Variants in PLIN2 observed in about 807,000 individuals in gnomAD.
PLIN2 encodes perilipin-2.
PLIN2 carries 33 observed loss-of-function variants against 30.6 expected under a neutral mutation model. The ratio of observed to expected loss-of-function variants is 1.08; its 90% CI spans 0.82 to 1.44. The LOEUF (loss-of-function observed/expected upper bound fraction) is 1.44, where lower values mean the gene tolerates loss of function less well. Among genes scored for constraint, PLIN2 ranks in the 40% most tolerant of loss-of-function variants. PLIN2 has a pLI of 0.00. For missense variants in PLIN2, 610 were observed against 531.8 expected (o/e 1.15, Z -1.45); for synonymous variants, 205 against 201.1 (o/e 1.02, Z -0.16).
chr9:19,125,912 G>A (rs1320530607), intron 3 of PLIN2: 1 of 487,372 alleles, frequency 2.1e-6, no homozygotes, highest in African/African-American at 2.2e-5. Flanking sequence ...GATAGAGTGA[G>A]ACTCCATCTC....
rs553714689 is a variant in PLIN2, at chr9:19,127,234, C to A, written c.-23+185G>T. ...GGTTCAGCAGACCGCCCCTACCCAG[C>A]CAGGACCTGGAAGCCGCGAGGCGAG... On this transcript the variant is annotated intron_variant, in intron 1 of 7. Transcript: ENST00000276914. The surrounding 1 kb of genome is among the most constrained non-coding windows in gnomAD (Gnocchi z 4.3). 6.6e-6 allele frequency among the ~76,000 whole-genome samples: 1 copy of A among 152,164 alleles called. No individual in the cohort carries two copies. Among genetic ancestry groups the A allele is most frequent in the African/African-American group, 2.4e-5 (1 of 41,528 alleles).
chr9:19,121,913 A>AAGAGC (rs1263472571), intron 4 of PLIN2, among the ~76,000 whole-genome samples: 3 of 152,110 alleles, frequency 2.0e-5, no homozygotes, highest in Admixed American at 6.6e-5. Flanking sequence ...CCTGGGCAAC[A>AAGAGC]AGAGCAAAAC....
chr9:19,120,489 G>A (rs7032119), intron 5 of PLIN2, among the ~76,000 whole-genome samples: 102,637 of 152,040 alleles, frequency 0.68, 35,178 homozygotes, highest in Non-Finnish European at 0.73. Flanking sequence ...TTTTTGCTAA[G>A]GTTTCAAAAC....
chr9:19,120,860 C>T lies in PLIN2; in HGVS notation c.595+20G>A, dbSNP rs777175299. The T allele has an allele frequency of 6.3e-7, 1 of 1,585,774 alleles. No homozygotes were observed. Among genetic ancestry groups the T allele is most frequent in the East Asian group, 2.2e-5 (1 of 44,714 alleles). On this transcript the variant is annotated intron_variant, in intron 5 of 7. Transcript: ENST00000276914. ...AAAGATTTAATATAAAACAGTATTTCAAGATAAAATTCCAGTTACCTAGTT... is the reference window on the plus strand; with the variant it reads ...AAAGATTTAATATAAAACAGTATTTTAAGATAAAATTCCAGTTACCTAGTT...
chr9:19,110,678 G>T (rs1428095155), intron 2 of PLIN2, among the ~76,000 whole-genome samples: 1 of 152,054 alleles, frequency 6.6e-6, no homozygotes, highest in African/African-American at 2.4e-5. Context: ...ATTTCACCAT[G>T]TTGGCAAGGC....
chr9:19,111,565 G>A (rs1818160129), downstream of PLIN2, among the ~76,000 whole-genome samples: 1 of 152,026 alleles, frequency 6.6e-6, no homozygotes, highest in South Asian at 2.1e-4. Flanking sequence ...GACTAGCCCA[G>A]TGAGGGTCAA....
chr9:19,120,453 T>C (rs1447683624), intron 5 of PLIN2, among the ~76,000 whole-genome samples: 2 of 152,168 alleles, frequency 1.3e-5, no homozygotes, highest in African/African-American at 4.8e-5. Context: ...GACTATCCAT[T>C]TACAGAAAAT....
In PLIN2 at chr9:19,121,104, G is replaced by T. The variant is rs780606166; in HGVS notation, c.371C>A (p.Thr124Asn). ...GCTGGCCACAGAATCCTTGGCCCCA[G>T]TCACAGTAGTCGTCACAGCATCTTT... ...GAKDAVTTTV[T>N]GAKDSVASTI... is the part of the protein sequence containing the mutation. The change falls in exon 5 of 8, where the codon ACT (threonine) becomes AAT (asparagine). Residue 124 changes from threonine (T) to asparagine (N), a missense_variant. Transcript: ENST00000276914. 6.2e-7 allele frequency: 1 copy of T among 1,614,038 alleles called. No homozygotes were observed. Among genetic ancestry groups the T allele is most frequent in the Non-Finnish European group, 8.5e-7 (1 of 1,180,018 alleles).
At chr9:19,124,237 T>C (rs1818363674) in intron 3 of PLIN2, among the ~76,000 whole-genome samples, 1 of 152,078 alleles carries the variant, frequency 6.6e-6, no homozygotes, top group South Asian at 2.1e-4. Context: ...CTAATGTTAA[T>C]GCCAAGAGTA....
chr9:19,110,719 A>T (rs1588639238), intron 2 of PLIN2, among the ~76,000 whole-genome samples: 1 of 151,996 alleles, frequency 6.6e-6, no homozygotes, highest in Non-Finnish European at 1.5e-5. Context: ...CAGGTGATCC[A>T]CCCACCTTGG....
At position 19,116,167 on chromosome 9, in the gene PLIN2, G is replaced by T; in HGVS notation, c.*81C>A. The T allele has an allele frequency of 1.5e-6, 2 of 1,366,376 alleles. No homozygotes were observed. The highest frequency in any genetic ancestry group is 2.0e-6 in the Non-Finnish European group (2 of 1,009,258). 84.6% of individuals were successfully genotyped at this position (1,366,376 alleles called of 1,614,324 possible). ...TACTAGCTACTTGCTTCCCAATTTA[G>T]GGTTGCCTAGCAAGTTAATTTCAAC... is the stretch of plus-strand genomic sequence containing the variant. On this transcript the variant is annotated 3_prime_UTR_variant, in exon 8 of 8. Coordinates refer to ENST00000276914, the MANE Select transcript of PLIN2 (RefSeq NM_001122.4).
chr9:19,118,488 C>A (rs759062104), intron 6 of PLIN2, 33 bp from the exon 7 acceptor site: 2 of 1,598,404 alleles, frequency 1.3e-6, no homozygotes, highest in East Asian at 2.2e-5. Flanking sequence ...AAGGAACACA[C>A]AAGTCAGATA....
At chr9:19,122,129 AAAAAAG>A (rs1818328730) in intron 4 of PLIN2, among the ~76,000 whole-genome samples, 1 of 151,308 alleles carries the variant, frequency 6.6e-6, no homozygotes, top group Admixed American at 6.6e-5. Context: ...AAAAAAAAAA[AAAAAAG>A]AACACAAGTT....
chr9:19,122,743 C>A (rs1328655207), intron 4 of PLIN2, among the ~76,000 whole-genome samples: 1 of 152,088 alleles, frequency 6.6e-6, no homozygotes, highest in Non-Finnish European at 1.5e-5. Context: ...GAGACCTAAC[C>A]CTAACCCTCT....
downstream of PLIN2, among the ~76,000 whole-genome samples, chr9:19,115,059 A>C (rs879438814): frequency 1.3e-5 from 2 of 152,144 alleles, no homozygotes; most frequent in Non-Finnish European, 2.9e-5. Context: ...ATGCCTTTAC[A>C]TGATGCTGAT....
Position 19,121,006 on chromosome 9 carries a change from T to G in PLIN2, c.469A>C (p.Ser157Arg). 1 of 1,614,210 alleles carries G rather than the reference T, an allele frequency of 6.2e-7. No homozygotes were observed. Among genetic ancestry groups the G allele is most frequent in the South Asian group, 1.1e-5 (1 of 91,088 alleles). ...CCCAAGACTGTGTTAATGCTGCCAC[T>G]GACCACAGACTTGGTCTTCTCCACA... ...GSVEKTKSVV[S>R]GSINTVLGSR... is the part of the protein sequence containing the mutation. Residue 157 changes from serine (S) to arginine (R), a missense_variant, in exon 5 of 8, where the codon AGT becomes CGT. Ser to Arg is a moderately radical substitution (Grantham distance 110). Transcript: ENST00000276914.
chr9:19,120,041 G>A (rs985018443), intron 5 of PLIN2, among the ~76,000 whole-genome samples: 2 of 150,882 alleles, frequency 1.3e-5, no homozygotes, highest in South Asian at 2.1e-4. Context: ...GCATCTACAC[G>A]TTTCTCCCAC....
At chr9:19,111,052 A>C (rs1367105667), downstream of PLIN2, among the ~76,000 whole-genome samples, 1 of 151,902 alleles carries the variant, frequency 6.6e-6, no homozygotes, top group Non-Finnish European at 1.5e-5. Context: ...CTTACTGACA[A>C]TCTTAACAAT....
intron 7 of PLIN2, 152 bp downstream of exon 7, chr9:19,118,169 T>C: frequency 1.4e-6 from 1 of 692,906 alleles, no homozygotes; most frequent in Non-Finnish European, 2.3e-6. Flanking sequence ...TAGTTTTGCT[T>C]TTCTGCCACA....
Sources: gnomAD v4.1 joint callset for allele counts (sites outside exome capture counted in the v4.1 genomes callset) on GRCh38, gnomAD v4.1.1 for gene constraint, Gnocchi (gnomAD v3.1) non-coding constraint, MANE v1.5 for transcripts, NCBI Gene and HGNC (gene_info 2026-07-23, HGNC 2026-07-21) for gene names.